SPPL2A: variants seen among roughly 807,000 people sequenced by gnomAD.
SPPL2A encodes signal peptide peptidase-like 2A.
A neutral mutation model predicts 63.8 loss-of-function variants in SPPL2A; 51 were observed. The ratio of observed to expected loss-of-function variants is 0.80; its 90% CI spans 0.64 to 1.01. The LOEUF is 1.01. Among genes scored for constraint, SPPL2A ranks in the 50% least tolerant of loss-of-function variants. The pLI is 0.00. For synonymous variants in SPPL2A, 188 were observed against 205.8 expected, an observed-to-expected ratio of 0.91 and a Z score of 0.74; for missense variants, 553 against 622.7, an observed-to-expected ratio of 0.89 and a Z score of 1.19.
chr15:50,738,382 G>A (rs1483113227), intron 6 of SPPL2A, among the ~76,000 whole-genome samples: 2 of 151,762 alleles, frequency 1.3e-5, no homozygotes, highest in East Asian at 3.9e-4. Flanking sequence ...AATCCCGTCT[G>A]TACTAACAAT....
In SPPL2A at chr15:50,747,625, G is replaced by C. The variant is rs771848853; in HGVS notation, c.454C>G (p.Leu152Val). 5 of 1,601,920 alleles carry C rather than the reference G, an allele frequency of 3.1e-6. No homozygotes were observed. Among genetic ancestry groups the C allele is most frequent in the Non-Finnish European group, 4.3e-6 (5 of 1,174,238 alleles). The change falls in exon 5 of 15, where the codon CTA (leucine) becomes GTA (valine). Residue 152 changes from leucine to valine, a missense_variant. By Grantham distance (32) the Leu-to-Val change is conservative. Transcript: ENST00000261854. Reference protein sequence around the residue: ...YKDFRDMNQTLGDNITVKMYS... With the variant: ...YKDFRDMNQTVGDNITVKMYS... The stretch of plus-strand genomic sequence containing the variant: ...ATTTTCACAGTAATGTTATCTCCTA[G>C]AGTCTGAAAGGCAAAATAACAGTTA...
At chr15:50,741,950 A>G (rs572876520) in intron 5 of SPPL2A, among the ~76,000 whole-genome samples, 1 of 151,998 alleles carries the variant, frequency 6.6e-6, no homozygotes, top group South Asian at 2.1e-4. Flanking sequence ...CCTGGGTGAC[A>G]GTGAGACTCC....
intron 14 of SPPL2A, among the ~76,000 whole-genome samples, chr15:50,714,429 T>G (rs562252366): frequency 6.6e-6 from 1 of 151,970 alleles, no homozygotes; most frequent in East Asian, 1.9e-4. Context: ...GTCAGGAGTT[T>G]GAGACTAGCC....
chr15:50,757,378 G>A (rs2062968839), intron 1 of SPPL2A, among the ~76,000 whole-genome samples: 1 of 151,910 alleles, frequency 6.6e-6, no homozygotes, highest in East Asian at 1.9e-4. Flanking sequence ...CACCACGCCC[G>A]GCCCTAAATC....
At chr15:50,735,699 C>T (rs1732071306) in intron 8 of SPPL2A, among the ~76,000 whole-genome samples, 1 of 152,082 alleles carries the variant, frequency 6.6e-6, no homozygotes, top group South Asian at 2.1e-4. Context: ...CCTCAGCCTC[C>T]CGAGTAGCTG....
At chr15:50,724,645 A>G (rs1567153699) in intron 12 of SPPL2A, among the ~76,000 whole-genome samples, 1 of 152,166 alleles carries the variant, frequency 6.6e-6, no homozygotes, top group Non-Finnish European at 1.5e-5. Flanking sequence ...AATTACTTCT[A>G]AACTAAATTA....
intron 1 of SPPL2A, 54 bp from the exon 2 acceptor site, chr15:50,749,800 T>A (rs182581036): frequency 2.9e-6 from 3 of 1,032,048 alleles, no homozygotes; most frequent in Non-Finnish European, 4.6e-6. Flanking sequence ...TGCCAACAAC[T>A]AAGGATTTTA....
rs896497575 is a variant in SPPL2A at position 50,747,052 on chromosome 15, G to GA, written c.584+442dup. 2.5e-4 allele frequency among the ~76,000 whole-genome samples: 38 copies of GA among 151,852 alleles called. 1 individual carries two copies. The highest frequency in any genetic ancestry group is 1.9e-3 in the South Asian group (9 of 4,820). Reference sequence around the variant, plus strand: ...GCCTTGAAATAAATCTTGACTAAGTGAAAAAAAAGATGGACATTACTAACA... The same window carrying GA: ...GCCTTGAAATAAATCTTGACTAAGTGAAAAAAAAAGATGGACATTACTAACA... On this transcript the variant is annotated intron_variant, in intron 5 of 14. Transcript: ENST00000261854.
chr15:50,714,553 C>A (rs1266169001), intron 14 of SPPL2A, among the ~76,000 whole-genome samples: 1 of 151,558 alleles, frequency 6.6e-6, no homozygotes, highest in East Asian at 1.9e-4. Flanking sequence ...ATCGCTTGAA[C>A]CCTGGAGGTG....
chr15:50,744,850 G>A (rs2141048125), intron 5 of SPPL2A, among the ~76,000 whole-genome samples: 1 of 152,232 alleles, frequency 6.6e-6, no homozygotes, highest in Non-Finnish European at 1.5e-5. Context: ...CAGATGTGGT[G>A]GCTATGGGGG....
At chr15:50,713,097 A>G (rs2062572645) in intron 14 of SPPL2A, among the ~76,000 whole-genome samples, 2 of 152,186 alleles carry the variant, frequency 1.3e-5, no homozygotes. Flanking sequence ...AAAGGCCACA[A>G]TACACTGTCT....
chr15:50,711,502 C>T (rs945736608), intron 14 of SPPL2A, among the ~76,000 whole-genome samples: 4 of 152,118 alleles, frequency 2.6e-5, no homozygotes, highest in South Asian at 2.1e-4. Context: ...TGAGCCACCG[C>T]GCCCAGGCCA....
At chr15:50,721,771 AT>A (rs1302884163) in intron 13 of SPPL2A, among the ~76,000 whole-genome samples, 1 of 151,546 alleles carries the variant, frequency 6.6e-6, no homozygotes, top group African/African-American at 2.4e-5. Flanking sequence ...CGCCCAGCTA[AT>A]TTTTTTTGTA....
chr15:50,714,237 T>C (rs2062582279), intron 14 of SPPL2A, among the ~76,000 whole-genome samples: 1 of 152,252 alleles, frequency 6.6e-6, no homozygotes, highest in African/African-American at 2.4e-5. Flanking sequence ...CTATGTTATA[T>C]GGTAAAGCTC....
chr15:50,721,794 G>A (rs1023721440), intron 13 of SPPL2A, among the ~76,000 whole-genome samples: 2 of 152,050 alleles, frequency 1.3e-5, no homozygotes, highest in Non-Finnish European at 2.9e-5. Flanking sequence ...TTTTAGTAGA[G>A]ACAGGGTTTC....
At chr15:50,754,433 T>C (rs1278762216) in intron 1 of SPPL2A, among the ~76,000 whole-genome samples, 1 of 152,218 alleles carries the variant, frequency 6.6e-6, no homozygotes, top group African/African-American at 2.4e-5. Flanking sequence ...ACTTTCTTTT[T>C]CTGATGATGA....
At chr15:50,737,034 C>T (rs761717598) in intron 6 of SPPL2A, among the ~76,000 whole-genome samples, 10 of 152,118 alleles carry the variant, frequency 6.6e-5, no homozygotes, top group Non-Finnish European at 1.2e-4. Context: ...ATGCCTTAGC[C>T]TCCTGAATAG....
At chr15:50,725,422 A>C (rs568680998) in intron 11 of SPPL2A, 99 bp from the exon 12 acceptor site, 106 of 707,138 alleles carry the variant, frequency 1.5e-4, no homozygotes, top group Non-Finnish European at 2.5e-4. Context: ...TCTTTTATTT[A>C]CTAATTTATT....
At chr15:50,711,279 G>A (rs954677712) in intron 14 of SPPL2A, among the ~76,000 whole-genome samples, 28 of 147,584 alleles carry the variant, frequency 1.9e-4, no homozygotes, top group South Asian at 6.4e-4. Context: ...GCGCGATCTC[G>A]GCTCACTGCA....
Sources: gnomAD v4.1 joint callset for allele counts (sites outside exome capture counted in the v4.1 genomes callset) on GRCh38, gnomAD v4.1.1 for gene constraint, MANE v1.5 for transcripts, NCBI Gene and HGNC (gene_info 2026-07-23, HGNC 2026-07-21) for gene names.